WDFY3: variants seen among roughly 807,000 people sequenced by gnomAD.
The protein encoded by WDFY3 is WD repeat and FYVE domain containing 3.
WDFY3 carries 66 observed loss-of-function variants against 409.6 expected under a neutral mutation model. That is an observed-to-expected ratio of 0.16 (90% CI 0.13 to 0.20). The LOEUF (loss-of-function observed/expected upper bound fraction) is 0.20, where lower values mean the gene tolerates loss of function less well. Among genes scored for constraint, WDFY3 ranks in the 10% least tolerant of loss-of-function variants. WDFY3 has a pLI of 1.00. For missense variants in WDFY3, 3,031 were observed against 4,298.1 expected (o/e 0.71, Z 8.24); for synonymous variants, 1,521 against 1,537.1 (o/e 0.99, Z 0.25).
intron 1 of WDFY3, among the ~76,000 whole-genome samples, chr4:84,955,729 T>A (rs975295509): frequency 6.6e-5 from 10 of 152,230 alleles, no homozygotes; most frequent in African/African-American, 2.4e-4. Flanking sequence ...GCATATTTAA[T>A]AAGTGTTGGA....
chr4:84,951,917 T>C (rs1368720513), intron 1 of WDFY3, among the ~76,000 whole-genome samples: 1 of 152,142 alleles, frequency 6.6e-6, no homozygotes, highest in Non-Finnish European at 1.5e-5. Context: ...AGTCAAAAAG[T>C]AGTTCATTTT....
rs547010687 is a variant in WDFY3, at chr4:84,953,226, CA to C, written c.-226+12982del. ...CATGATCTCACTTATTATCTGGTAT[CA>C]AAAAAAAAAAAGGTCAAATATTCAC... On this transcript the variant is annotated intron_variant, in intron 1 of 67. Transcript: ENST00000295888. 7.4e-3 allele frequency among the ~76,000 whole-genome samples: 962 copies of C among 130,392 alleles called. 5 individuals carry two copies. The highest frequency in any genetic ancestry group is 0.02 in the South Asian group (80 of 4,086). 85.5% of individuals were successfully genotyped at this position (130,392 alleles called of 152,430 possible).
chr4:84,768,426 A>T (rs1028932241), intron 30 of WDFY3, among the ~76,000 whole-genome samples: 2 of 152,202 alleles, frequency 1.3e-5, no homozygotes, highest in Non-Finnish European at 2.9e-5. Flanking sequence ...TTAGAGGCTA[A>T]TGCAGCTGGT....
At chr4:84,887,118 T>C (rs541314591) in intron 3 of WDFY3, among the ~76,000 whole-genome samples, 3 of 152,240 alleles carry the variant, frequency 2.0e-5, no homozygotes, top group African/African-American at 7.2e-5. Flanking sequence ...TCATTTAAGA[T>C]AGACATGATA....
At chr4:84,827,776 G>A (rs1386214403) in intron 9 of WDFY3, among the ~76,000 whole-genome samples, 1 of 152,152 alleles carries the variant, frequency 6.6e-6, no homozygotes, top group South Asian at 2.1e-4. Flanking sequence ...ATTCTTAGGG[G>A]TTATCTAATA....
chr4:84,877,334 T>C (rs1762925536), intron 3 of WDFY3, among the ~76,000 whole-genome samples: 1 of 152,188 alleles, frequency 6.6e-6, no homozygotes, highest in Non-Finnish European at 1.5e-5. Flanking sequence ...TCTAAGAAGC[T>C]TTCCAGCTTT....
intron 39 of WDFY3, 103 bp from the exon 40 acceptor site, chr4:84,739,222 T>C: frequency 8.7e-7 from 1 of 1,149,366 alleles, no homozygotes. Flanking sequence ...ACACTGAATG[T>C]CTACTCAGCA....
chr4:84,767,028 C>T (rs1743768925), intron 30 of WDFY3, among the ~76,000 whole-genome samples: 1 of 152,150 alleles, frequency 6.6e-6, no homozygotes, highest in South Asian at 2.1e-4. Context: ...CAGAGGCACA[C>T]CTTTTAATGC....
At chr4:84,730,910 G>T (rs1232314787) in intron 44 of WDFY3, among the ~76,000 whole-genome samples, 1 of 151,918 alleles carries the variant, frequency 6.6e-6, no homozygotes, top group Non-Finnish European at 1.5e-5. Flanking sequence ...AAGCAATTCT[G>T]TCTCAGCCTC....
chr4:84,841,086 A>G, intron 6 of WDFY3, 68 bp downstream of exon 6: 1 of 1,228,948 alleles, frequency 8.1e-7, no homozygotes, highest in East Asian at 2.4e-5. Flanking sequence ...TGAATTTAAT[A>G]ATAAAATCAC....
At chr4:84,908,000 G>C (rs1270987940) in intron 2 of WDFY3, among the ~76,000 whole-genome samples, 1 of 151,952 alleles carries the variant, frequency 6.6e-6, no homozygotes, top group Non-Finnish European at 1.5e-5. Context: ...CTACATGTAA[G>C]GTGCAAGGAA....
At chr4:84,776,766 G>A (rs1745615230) in intron 27 of WDFY3, among the ~76,000 whole-genome samples, 1 of 152,072 alleles carries the variant, frequency 6.6e-6, no homozygotes, top group African/African-American at 2.4e-5. Context: ...AGAATAAGAG[G>A]TTTGGATATT....
At chr4:84,836,621 A>G (rs1756610401) in intron 7 of WDFY3, among the ~76,000 whole-genome samples, 1 of 152,088 alleles carries the variant, frequency 6.6e-6, no homozygotes, top group Non-Finnish European at 1.5e-5. Flanking sequence ...CCAAATCTTT[A>G]TATCATTTTC....
chr4:84,960,949 C>A (rs993687432), intron 1 of WDFY3, among the ~76,000 whole-genome samples: 6 of 152,124 alleles, frequency 3.9e-5, no homozygotes, highest in African/African-American at 1.4e-4. Flanking sequence ...CAGATTTTGG[C>A]CAGGCACAGT....
chr4:84,806,190 A>C (rs1560807463), intron 15 of WDFY3, among the ~76,000 whole-genome samples: 1 of 152,198 alleles, frequency 6.6e-6, no homozygotes, highest in Non-Finnish European at 1.5e-5. Context: ...AAACAGTGTG[A>C]CTTAAATTCT....
chr4:84,926,367 C>T (rs1769994807), intron 2 of WDFY3, among the ~76,000 whole-genome samples: 1 of 151,760 alleles, frequency 6.6e-6, no homozygotes, highest in Admixed American at 6.6e-5. Flanking sequence ...TTAAGTATCA[C>T]TTCTTCAAAT....
chr4:84,696,900 G>A (rs1730242586), intron 56 of WDFY3, 77 bp from the exon 57 acceptor site: 3 of 1,298,768 alleles, frequency 2.3e-6, no homozygotes, highest in Non-Finnish European at 3.3e-6. Context: ...ATCTGACTGA[G>A]AAATGGTGGG....
chr4:84,907,539 T>C (rs1767202975), intron 2 of WDFY3, among the ~76,000 whole-genome samples: 1 of 152,176 alleles, frequency 6.6e-6, no homozygotes, highest in Non-Finnish European at 1.5e-5. Flanking sequence ...AGTCAAGCCT[T>C]TAGATAGCTA....
chr4:84,838,846 T>C (rs1007130040), intron 6 of WDFY3, among the ~76,000 whole-genome samples: 14 of 152,216 alleles, frequency 9.2e-5, no homozygotes, highest in African/African-American at 3.1e-4. Flanking sequence ...CTCACATTTC[T>C]ATTTTCAATA....
Sources: gnomAD v4.1 joint callset for allele counts (sites outside exome capture counted in the v4.1 genomes callset) on GRCh38, gnomAD v4.1.1 for gene constraint, MANE v1.5 for transcripts, NCBI Gene and HGNC (gene_info 2026-07-23, HGNC 2026-07-21) for gene names.